RANBP2: variants seen among roughly 807,000 people sequenced by gnomAD.
RANBP2 encodes the protein RAN binding protein 2.
A neutral mutation model predicts 303.6 loss-of-function variants in RANBP2; 57 were observed. The ratio of observed to expected loss-of-function variants is 0.19; its 90% CI spans 0.15 to 0.23. The LOEUF is 0.23. Ranked by LOEUF, RANBP2 falls within the 10% of genes least tolerant of loss-of-function variation. RANBP2 has a pLI of 1.00. For synonymous variants in RANBP2, 1,167 were observed against 1,301.5 expected (o/e 0.90, Z 2.23); for missense variants, 3,138 against 3,780.8 (o/e 0.83, Z 4.46).
the RANBP2 span, among the ~76,000 whole-genome samples, chr2:109,114,454 T>C: frequency 2.6e-5 from 4 of 152,214 alleles, no homozygotes; most frequent in African/African-American, 9.6e-5. Context: ...TGGTAGTTTG[T>C]ATTTCTGTGG....
chr2:109,179,002 A>AGTGTGTGTGTGT, the RANBP2 span, among the ~76,000 whole-genome samples: 4 of 47,174 alleles, frequency 8.5e-5, no homozygotes, highest in Admixed American at 2.8e-4. Flanking sequence ...AAAGTATAAT[A>AGTGTGTGTGTGT]ATGTGTGTGT....
At chr2:109,229,195 G>A in the RANBP2 span, among the ~76,000 whole-genome samples, 1 of 152,156 alleles carries the variant, frequency 6.6e-6, no homozygotes, top group Admixed American at 6.5e-5. Flanking sequence ...GACCAAATAT[G>A]TATTTTTATT....
rs1318750971 is a variant in RANBP2 at position 108,740,608 on chromosome 2, G to A, written c.902G>A (p.Gly301Asp). Reference protein sequence around the residue: ...MHAGSLLLKMGQHSSNVQWRA... With the variant: ...MHAGSLLLKMDQHSSNVQWRA... ...GCTGGTTCTCTGCTTTTGAAGATGG[G>A]TCAGCATAGTAGTAATGTTCAATGG... is the stretch of plus-strand genomic sequence containing the variant. The change falls in exon 7 of 29, where the codon GGT becomes GAT. Residue 301 changes from glycine to aspartate, a missense_variant. Physicochemically the swap from Gly to Asp is moderately conservative, Grantham distance 94 (BLOSUM62 -1). Coordinates refer to ENST00000283195, the MANE Select transcript of RANBP2 (RefSeq NM_006267.5). 6 of 1,597,512 alleles carry A rather than the reference G, an allele frequency of 3.8e-6. No homozygotes were observed. The highest frequency in any genetic ancestry group is 1.3e-5 in the African/African-American group (1 of 74,946).
At chr2:109,208,720 G>A in the RANBP2 span, among the ~76,000 whole-genome samples, 16 of 152,130 alleles carry the variant, frequency 1.1e-4, no homozygotes, top group African/African-American at 3.6e-4. Context: ...CTGTTGCTGT[G>A]GGAATATGCC....
chr2:109,288,453 G>A, the RANBP2 span, among the ~76,000 whole-genome samples: 1 of 152,236 alleles, frequency 6.6e-6, no homozygotes, highest in Non-Finnish European at 1.5e-5. Flanking sequence ...AAGCCAGAAA[G>A]TATGAGAGCC....
chr2:108,968,506 T>C, the RANBP2 span, among the ~76,000 whole-genome samples: 2 of 152,204 alleles, frequency 1.3e-5, no homozygotes, highest in South Asian at 4.1e-4. Context: ...AGAAATATTC[T>C]GGCTTGTTGA....
At chr2:109,063,154 T>C in the RANBP2 span, among the ~76,000 whole-genome samples, 1 of 152,108 alleles carries the variant, frequency 6.6e-6, no homozygotes, top group East Asian at 1.9e-4. Flanking sequence ...ATCCTCCCCC[T>C]CTGGCTTGTG....
At chr2:109,362,561 T>C in the RANBP2 span, among the ~76,000 whole-genome samples, 1 of 152,204 alleles carries the variant, frequency 6.6e-6, no homozygotes, top group Non-Finnish European at 1.5e-5. Flanking sequence ...AGATATTATG[T>C]GGATGTCAGT....
At chr2:109,631,228 A>G in the RANBP2 span, among the ~76,000 whole-genome samples, 1 of 151,638 alleles carries the variant, frequency 6.6e-6, no homozygotes, top group Non-Finnish European at 1.5e-5. Flanking sequence ...CAGCTCCGAG[A>G]TAAGGGATAA....
chr2:109,525,585 G>A, the RANBP2 span, among the ~76,000 whole-genome samples: 2 of 152,188 alleles, frequency 1.3e-5, no homozygotes, highest in South Asian at 2.1e-4. Context: ...CTGCAGCCAT[G>A]AGGAGGTCCA....
At chr2:109,393,155 A>G in the RANBP2 span, among the ~76,000 whole-genome samples, 1 of 152,210 alleles carries the variant, frequency 6.6e-6, no homozygotes, top group East Asian at 1.9e-4. Flanking sequence ...GAGTTTTTGA[A>G]GCTTTAAGGC....
chr2:109,347,867 A>ACGCCC, the RANBP2 span: 1 of 1,613,328 alleles, frequency 6.2e-7, no homozygotes, highest in Non-Finnish European at 8.5e-7. Context: ...CCCTTGCCAC[A>ACGCCC]CGCCCCGCCC....
chr2:109,615,153 C>T, the RANBP2 span: 1 of 1,549,446 alleles, frequency 6.5e-7, no homozygotes, highest in Non-Finnish European at 8.7e-7. Flanking sequence ...GAGCGTGTGT[C>T]CCGGGGGCAG....
chr2:109,654,524 G>T, the RANBP2 span, among the ~76,000 whole-genome samples: 1 of 151,640 alleles, frequency 6.6e-6, no homozygotes, highest in Non-Finnish European at 1.5e-5. Context: ...ACTGCCATAC[G>T]CCTCATTACT....
chr2:109,565,843 G>A, the RANBP2 span: 27 of 1,613,736 alleles, frequency 1.7e-5, no homozygotes, highest in Non-Finnish European at 2.2e-5. Flanking sequence ...TCCCACAACA[G>A]CAAACGGCAA....
the RANBP2 span, among the ~76,000 whole-genome samples, chr2:109,512,440 G>C: frequency 6.6e-6 from 1 of 151,972 alleles, no homozygotes; most frequent in Non-Finnish European, 1.5e-5. Flanking sequence ...CTCCAGGTAT[G>C]CCCAGGGATG....
At chr2:109,677,322 C>T in the RANBP2 span, among the ~76,000 whole-genome samples, 2 of 152,150 alleles carry the variant, frequency 1.3e-5, no homozygotes, top group South Asian at 2.1e-4. Flanking sequence ...TCCTGCCCGA[C>T]GTTTCTCTGA....
At chr2:109,580,726 G>GA in the RANBP2 span, among the ~76,000 whole-genome samples, 1 of 151,996 alleles carries the variant, frequency 6.6e-6, no homozygotes, top group South Asian at 2.1e-4. Flanking sequence ...CAAAATAAAT[G>GA]AAAAAAAGGT....
At chr2:108,875,800 A>T in the RANBP2 span, among the ~76,000 whole-genome samples, 1 of 152,194 alleles carries the variant, frequency 6.6e-6, no homozygotes, top group Non-Finnish European at 1.5e-5. Context: ...TTGAGGCTGC[A>T]GTAAGCTGTG....
Sources: gnomAD v4.1 joint callset for allele counts (sites outside exome capture counted in the v4.1 genomes callset) on GRCh38, gnomAD v4.1.1 for gene constraint, MANE v1.5 for transcripts, NCBI Gene and HGNC (gene_info 2026-07-23, HGNC 2026-07-21) for gene names.